The following TESPA1 variants were observed in gnomAD, a reference collection of about 807,000 sequenced individuals.
TESPA1 encodes thymocyte expressed, positive selection associated 1.
In TESPA1, 33 loss-of-function variants were observed where a neutral mutation model predicts 57.9. The ratio of observed to expected loss-of-function variants is 0.57; its 90% CI spans 0.43 to 0.76. The LOEUF (loss-of-function observed/expected upper bound fraction) is 0.76. Ranked by LOEUF, TESPA1 falls within the 30% of genes least tolerant of loss-of-function variation. The pLI is 0.00. For missense variants in TESPA1, 618 were observed against 632.9 expected, an observed-to-expected ratio of 0.98 and a Z score of 0.25; for synonymous variants, 227 against 228.9, an observed-to-expected ratio of 0.99 and a Z score of 0.07.
In TESPA1 at chr12:54,963,256, T is replaced by C; in HGVS notation, c.656-14A>G. The C allele has an allele frequency of 6.3e-7, 1 of 1,596,722 alleles. No homozygotes were observed. The highest frequency in any genetic ancestry group is 8.5e-7 in the Non-Finnish European group (1 of 1,171,274). On this transcript the variant is annotated splice_polypyrimidine_tract_variant and intron_variant, in intron 8 of 10. Transcript: ENST00000449076. The stretch of plus-strand genomic sequence containing the variant: ...GCTTAAACCTGCCTGGGTACAAGAG[T>C]TAAAGATGGTAAGTCTGGGGTTCAT...
Position 54,966,223 on chromosome 12 carries a change from T to C in TESPA1, c.348-72A>G, listed in dbSNP as rs537749762. ...CACCCTGGCTTCGAGGAATCCCTGCTGGACTTATTCACCCCCTGAACAGTA... is the reference window on the plus strand; with the variant it reads ...CACCCTGGCTTCGAGGAATCCCTGCCGGACTTATTCACCCCCTGAACAGTA... On this transcript the variant is annotated intron_variant, in intron 6 of 10. Transcript: ENST00000449076. The C allele has an allele frequency of 7.8e-5, 122 of 1,565,602 alleles. 2 individuals are homozygous for C. The East Asian group carries it at 1.6e-3, about 21-fold the overall frequency.
chr12:54,978,610 C>G (rs1299607123), intron 1 of TESPA1, among the ~76,000 whole-genome samples: 2 of 152,148 alleles, frequency 1.3e-5, no homozygotes. Flanking sequence ...ACATTGGATC[C>G]AGGAAAGTGG....
intron 1 of TESPA1, chr12:54,981,730 A>T (rs1390728917): frequency 6.6e-6 from 1 of 152,204 alleles, no homozygotes; most frequent in Non-Finnish European, 1.5e-5. Flanking sequence ...GCTTGCCTGG[A>T]GTCACAAAGA....
At chr12:54,950,458 G>T (rs1950311386) in intron 10 of TESPA1, 68 bp from the exon 11 acceptor site, 2 of 392,028 alleles carry the variant, frequency 5.1e-6, no homozygotes, top group African/African-American at 2.1e-5. Context: ...GAGGTTGGTA[G>T]GAACTTTCAT....
chr12:54,971,169 A>C (rs10747732), intron 3 of TESPA1, among the ~76,000 whole-genome samples: 2 of 152,068 alleles, frequency 1.3e-5, no homozygotes, highest in African/African-American at 4.8e-5. Flanking sequence ...AGAGGATGTT[A>C]GGCTTTGGAA....
Position 54,978,808 on chromosome 12 carries a change from G to A in TESPA1, c.-45-4201C>T, listed in dbSNP as rs79830236. ...CCTACTTAAGTCATCTCCTTTCTCT[G>A]TCCTACCTGTAGCAACAAACACCCA... On this transcript the variant is annotated intron_variant, in intron 1 of 10. Coordinates refer to ENST00000449076, the MANE Select transcript of TESPA1 (RefSeq NM_001136030.3). Among the ~76,000 whole-genome samples the A allele has an allele frequency of 3.5e-4, 53 of 152,196 alleles. No homozygotes were observed. The East Asian group carries it at 6.9e-3, about 20-fold the overall frequency.
chr12:54,973,642 T>A, intron 2 of TESPA1, 123 bp from the exon 3 acceptor site: 2 of 1,544,992 alleles, frequency 1.3e-6, no homozygotes, highest in Non-Finnish European at 1.7e-6. Context: ...TTTTTCTACA[T>A]AAAGCTTTTC....
chr12:54,966,289 A>G, intron 6 of TESPA1, 99 bp downstream of exon 6: 2 of 1,586,086 alleles, frequency 1.3e-6, no homozygotes, highest in Non-Finnish European at 1.7e-6. Flanking sequence ...TCACTCTCTA[A>G]TGTGAATCTT....
Position 54,963,243 on chromosome 12 carries a change from C to T in TESPA1, c.656-1G>A, listed in dbSNP as rs1951201557. On this transcript the variant is annotated splice_acceptor_variant, in intron 8 of 10. Coordinates refer to ENST00000449076, the MANE Select transcript of TESPA1 (RefSeq NM_001136030.3). LOFTEE classifies it high-confidence loss of function. The stretch of plus-strand genomic sequence containing the variant: ...AGTGTTTGCACCTGCTTAAACCTGC[C>T]TGGGTACAAGAGTTAAAGATGGTAA... 3 of 1,608,212 alleles carry T rather than the reference C, an allele frequency of 1.9e-6. No homozygotes were observed. Among genetic ancestry groups the T allele is most frequent in the Non-Finnish European group, 2.5e-6 (3 of 1,177,548 alleles).
chr12:54,966,952 G>C (rs184768677), intron 5 of TESPA1, among the ~76,000 whole-genome samples: 16 of 152,300 alleles, frequency 1.1e-4, no homozygotes, highest in African/African-American at 3.9e-4. Context: ...CCAAAGGAAA[G>C]TTCCAGTGAT....
At chr12:54,958,957 A>G (rs945496866) in intron 10 of TESPA1, among the ~76,000 whole-genome samples, 4 of 152,100 alleles carry the variant, frequency 2.6e-5, no homozygotes, top group Admixed American at 2.0e-4. Flanking sequence ...TTAAATTTCC[A>G]GTTTGATAAT....
rs147142499 is a variant in TESPA1 at position 54,956,435 on chromosome 12, C to T, written c.*1+4733G>A. On this transcript the variant is annotated intron_variant, in intron 10 of 10. Coordinates refer to ENST00000449076, the MANE Select transcript of TESPA1 (RefSeq NM_001136030.3). ...ATAAAAACTTTCTCCTTGGCTCTGC[C>T]GCTTATAAGTGTGATAAAGGTCAAG... 3.3e-5 allele frequency among the ~76,000 whole-genome samples: 5 copies of T among 152,286 alleles called. No individual in the cohort carries two copies. In the East Asian group the frequency reaches 7.7e-4, roughly 24 times the overall value.
At chr12:54,968,533 T>C (rs1951596309) in intron 3 of TESPA1, among the ~76,000 whole-genome samples, 1 of 152,222 alleles carries the variant, frequency 6.6e-6, no homozygotes, top group Admixed American at 6.5e-5. Flanking sequence ...AAATTCTCTC[T>C]GTCCAAAACA....
rs757172821 is a variant in TESPA1 at position 54,962,724 on chromosome 12, T to C, written c.1174A>G (p.Thr392Ala). 4 of 1,613,942 alleles carry C rather than the reference T, an allele frequency of 2.5e-6. No homozygotes were observed. The Admixed American group carries it at 6.7e-5, about 27-fold the overall frequency. ...GGATCTTCTATGGGCAGAGAATGTG[T>C]GCAACAGGGTACCTTGGGGTTCGAA... ...LDSNPKVPCC[T>A]HSLPIEDPQW... Residue 392 changes from threonine (T) to alanine (A), a missense_variant, in exon 9 of 11, where the codon ACA (threonine) becomes GCA (alanine). Around this residue, in one of 3 missense-constraint regions of TESPA1, gnomAD observed 409 missense variants for 420.1 expected, o/e 0.97. Transcript: ENST00000449076.
chr12:54,980,442 T>G (rs1212419912), intron 1 of TESPA1, among the ~76,000 whole-genome samples: 5 of 152,204 alleles, frequency 3.3e-5, no homozygotes, highest in Non-Finnish European at 7.3e-5. Context: ...CCGCATTACT[T>G]TCAGGTTGTT....
intron 10 of TESPA1, among the ~76,000 whole-genome samples, chr12:54,954,536 A>G (rs1950614796): frequency 6.6e-6 from 1 of 152,218 alleles, no homozygotes; most frequent in South Asian, 2.1e-4. Flanking sequence ...CAAGGCACAC[A>G]ACATCAGGTG....
chr12:54,976,132 A>G (rs1333183939), intron 1 of TESPA1, among the ~76,000 whole-genome samples: 7 of 152,226 alleles, frequency 4.6e-5, no homozygotes, highest in African/African-American at 1.7e-4. Context: ...ATGACTTGCT[A>G]TTCTTTGGTC....
intron 2 of TESPA1, 195 bp from the exon 3 acceptor site, chr12:54,973,714 C>T: frequency 7.4e-7 from 1 of 1,344,770 alleles, no homozygotes; most frequent in Non-Finnish European, 9.5e-7. Context: ...TCTCTCTCTG[C>T]TTCTTTTCTC....
At chr12:54,981,502 A>G (rs1952322672) in intron 1 of TESPA1, among the ~76,000 whole-genome samples, 1 of 151,990 alleles carries the variant, frequency 6.6e-6, no homozygotes, top group Non-Finnish European at 1.5e-5. Context: ...GCACACCAAC[A>G]TGGCACATGT....
Sources: allele counts gnomAD v4.1 joint callset (sites outside exome capture counted in the v4.1 genomes callset), GRCh38; gene constraint gnomAD v4.1.1; regional missense constraint gnomAD v4.1.1; transcripts MANE v1.5; gene names NCBI Gene and HGNC (gene_info 2026-07-23, HGNC 2026-07-21).